Variants in GALNTL6 observed in about 807,000 individuals in gnomAD.
GALNTL6 encodes the protein polypeptide N-acetylgalactosaminyltransferase-like 6.
Under a neutral mutation model 73.7 loss-of-function variants are expected in GALNTL6, and 46 were observed. The ratio of observed to expected loss-of-function variants is 0.62; its 90% CI spans 0.49 to 0.80. The LOEUF is 0.80. Among genes scored for constraint, GALNTL6 ranks in the 30% least tolerant of loss-of-function variants. The pLI, the probability that GALNTL6 is intolerant of heterozygous loss-of-function variation, is 0.00. For synonymous variants in GALNTL6, 259 were observed against 263.7 expected (o/e 0.98, Z 0.17); for missense variants, 604 against 755.0 (o/e 0.80, Z 2.34).
intron 2 of GALNTL6, among the ~76,000 whole-genome samples, chr4:171,819,334 TG>T (rs936438877): frequency 2.0e-5 from 3 of 152,160 alleles, no homozygotes; most frequent in Admixed American, 6.5e-5. Context: ...GATCACTACA[TG>T]ATTAGTTCAT....
intron 2 of GALNTL6, among the ~76,000 whole-genome samples, chr4:171,883,003 G>A (rs1273160464): frequency 1.3e-5 from 2 of 152,146 alleles, no homozygotes; most frequent in African/African-American, 4.8e-5. Flanking sequence ...CATCTTAGAG[G>A]CTGATTTAAC....
rs990141047 is a variant in GALNTL6, at chr4:171,964,978, T to G, written c.138+150260T>G. On this transcript the variant is annotated intron_variant, in intron 2 of 12. Transcript: ENST00000506823. ...TCATGGATTTCAGTGATGTCTTTGT[T>G]GTGACTACATCACAGTCCTGCTTTT... 7.2e-5 allele frequency among the ~76,000 whole-genome samples: 11 copies of G among 152,256 alleles called. 1 individual carries two copies. The South Asian group carries it at 2.3e-3, about 31-fold the overall frequency.
chr4:172,412,768 TAA>T (rs1744492611), intron 5 of GALNTL6, among the ~76,000 whole-genome samples: 1 of 152,144 alleles, frequency 6.6e-6, no homozygotes, highest in South Asian at 2.1e-4. Context: ...ATTTATTCAT[TAA>T]GATTGTTTTT....
chr4:172,141,830 G>C (rs1733807010), intron 2 of GALNTL6, among the ~76,000 whole-genome samples: 1 of 151,552 alleles, frequency 6.6e-6, no homozygotes, highest in African/African-American at 2.4e-5. Flanking sequence ...ACTTCTATCT[G>C]ATAGCTGATA....
intron 2 of GALNTL6, among the ~76,000 whole-genome samples, chr4:171,839,100 G>C (rs939378333): frequency 2.0e-5 from 3 of 152,006 alleles, no homozygotes; most frequent in Non-Finnish European, 4.4e-5. Flanking sequence ...AGATAACATA[G>C]GTTATAGAAA....
chr4:172,921,485 C>T lies in GALNTL6; in HGVS notation c.1042-9676C>T, dbSNP rs370518940. On this transcript the variant is annotated intron_variant, in intron 8 of 12. Coordinates refer to ENST00000506823, the MANE Select transcript of GALNTL6 (RefSeq NM_001034845.3). ...CATTTAATTATTCCATCAATTTGAA[C>T]TGCATTATGACAAAAGAAAAAAATG... Among the ~76,000 whole-genome samples the T allele has an allele frequency of 2.2e-3, 339 of 152,152 alleles. 1 individual carries two copies. Among genetic ancestry groups the T allele is most frequent in the African/African-American group, 7.5e-3 (312 of 41,538 alleles).
At chr4:172,909,003 A>T (rs1053586660) in intron 8 of GALNTL6, among the ~76,000 whole-genome samples, 1 of 151,894 alleles carries the variant, frequency 6.6e-6, no homozygotes, top group South Asian at 2.1e-4. Flanking sequence ...AATAAAATAC[A>T]TAATAAAACT....
intron 2 of GALNTL6, among the ~76,000 whole-genome samples, chr4:171,867,291 G>T (rs1457199069): frequency 6.6e-6 from 1 of 152,046 alleles, no homozygotes. Context: ...CAATTCAGTT[G>T]ACAAAAGGGC....
intron 5 of GALNTL6, among the ~76,000 whole-genome samples, chr4:172,578,360 C>G (rs1026425852): frequency 6.6e-6 from 1 of 152,326 alleles, no homozygotes; most frequent in African/African-American, 2.4e-5. Flanking sequence ...TGAGAGCACA[C>G]GTTCTTCAGC....
intron 2 of GALNTL6, among the ~76,000 whole-genome samples, chr4:172,019,711 C>A (rs1393613337): frequency 1.3e-5 from 2 of 151,988 alleles, no homozygotes; most frequent in East Asian, 3.9e-4. Flanking sequence ...GACTCTGATA[C>A]AAAAATAATA....
chr4:171,859,128 A>G (rs1180571404), intron 2 of GALNTL6, among the ~76,000 whole-genome samples: 2 of 152,158 alleles, frequency 1.3e-5, no homozygotes, highest in African/African-American at 4.8e-5. Flanking sequence ...ACACAGGTGT[A>G]TCTTTCTGTG....
chr4:171,848,766 C>T (rs1735443887), intron 2 of GALNTL6, among the ~76,000 whole-genome samples: 1 of 152,204 alleles, frequency 6.6e-6, no homozygotes, highest in Non-Finnish European at 1.5e-5. Context: ...GAGCTAAGGC[C>T]TTGCTCTGAA....
intron 2 of GALNTL6, among the ~76,000 whole-genome samples, chr4:172,050,950 T>G (rs536184569): frequency 6.6e-6 from 1 of 152,202 alleles, no homozygotes; most frequent in Non-Finnish European, 1.5e-5. Context: ...TCAGGGTCAC[T>G]AATGTGTATA....
chr4:172,612,728 C>T (rs1270214060), intron 5 of GALNTL6, among the ~76,000 whole-genome samples: 2 of 151,390 alleles, frequency 1.3e-5, no homozygotes, highest in African/African-American at 2.4e-5. Flanking sequence ...TTTTGTTTTC[C>T]CCTTAGTTGA....
intron 2 of GALNTL6, among the ~76,000 whole-genome samples, chr4:172,043,445 G>A (rs1742141701): frequency 6.6e-6 from 1 of 151,932 alleles, no homozygotes; most frequent in South Asian, 2.1e-4. Context: ...ATTAAAAGAT[G>A]GTCACATTTC....
chr4:172,574,939 TAC>T (rs33997885), intron 5 of GALNTL6, among the ~76,000 whole-genome samples: 67,416 of 150,064 alleles, frequency 0.45, 17,468 homozygotes, highest in African/African-American at 0.73. Context: ...CACGCACACA[TAC>T]ACACACACAC....
At chr4:171,864,304 T>C (rs1484437327) in intron 2 of GALNTL6, among the ~76,000 whole-genome samples, 1 of 152,124 alleles carries the variant, frequency 6.6e-6, no homozygotes, top group Non-Finnish European at 1.5e-5. Flanking sequence ...ATATAAAAGG[T>C]CACGATTATC....
intron 5 of GALNTL6, among the ~76,000 whole-genome samples, chr4:172,629,382 A>T (rs1184725381): frequency 1.3e-5 from 2 of 152,180 alleles, no homozygotes; most frequent in African/African-American, 2.4e-5. Flanking sequence ...AATGCTTTAA[A>T]AATGCAGAAT....
intron 2 of GALNTL6, among the ~76,000 whole-genome samples, chr4:172,078,836 G>T (rs146735049): frequency 6.6e-6 from 1 of 152,148 alleles, no homozygotes; most frequent in African/African-American, 2.4e-5. Flanking sequence ...TCTTTAGAAT[G>T]TTTTGATATA....
Sources: allele counts gnomAD v4.1 joint callset (sites outside exome capture counted in the v4.1 genomes callset), GRCh38; gene constraint gnomAD v4.1.1; transcripts MANE v1.5; gene names NCBI Gene and HGNC (gene_info 2026-07-23, HGNC 2026-07-21).